HIRA: variants seen among roughly 807,000 people sequenced by gnomAD.
The protein encoded by HIRA is histone cell cycle regulator.
A neutral mutation model predicts 126.6 loss-of-function variants in HIRA; 13 were observed. The ratio of observed to expected loss-of-function variants is 0.10; its 90% CI spans 0.07 to 0.16. HIRA has a LOEUF of 0.16. HIRA is among the 10% of genes least tolerant of loss of function. The probability of loss-of-function intolerance (pLI) is 1.00; values close to 1 mark genes in which losing one functional copy is unlikely to be tolerated. For synonymous variants in HIRA, 511 were observed against 520.0 expected, an observed-to-expected ratio of 0.98 and a Z score of 0.24; for missense variants, 834 against 1,314.4, an observed-to-expected ratio of 0.63 and a Z score of 5.65.
At chr22:19,343,210 G>C (rs5748141) in intron 24 of HIRA, among the ~76,000 whole-genome samples, 1 of 152,098 alleles carries the variant, frequency 6.6e-6, no homozygotes, top group Non-Finnish European at 1.5e-5. Context: ...CATGTAAATA[G>C]GATATTCAAT....
chr22:19,349,303 A>G (rs2088728402), intron 24 of HIRA, among the ~76,000 whole-genome samples: 1 of 151,526 alleles, frequency 6.6e-6, no homozygotes, highest in Non-Finnish European at 1.5e-5. Flanking sequence ...GGATTTCAGC[A>G]TGTTGGCCGG....
chr22:19,368,294 A>G (rs2088932615), intron 15 of HIRA, among the ~76,000 whole-genome samples: 1 of 152,246 alleles, frequency 6.6e-6, no homozygotes, highest in African/African-American at 2.4e-5. Context: ...CAAGAGGCCC[A>G]TGACGCTGCT....
At chr22:19,397,302 T>C (rs1047706412) in intron 6 of HIRA, among the ~76,000 whole-genome samples, 4 of 152,220 alleles carry the variant, frequency 2.6e-5, no homozygotes, top group Non-Finnish European at 4.4e-5. Context: ...TCAAAGGGCC[T>C]GACTGTGGCT....
At chr22:19,391,111 C>T (rs2089177077) in intron 9 of HIRA, among the ~76,000 whole-genome samples, 1 of 152,112 alleles carries the variant, frequency 6.6e-6, no homozygotes, top group Admixed American at 6.6e-5. Context: ...CAACAGGAGA[C>T]TGTATAAACA....
chr22:19,378,258 C>T (rs1202722879), intron 13 of HIRA, among the ~76,000 whole-genome samples, 192 bp from the exon 14 acceptor site: 1 of 152,194 alleles, frequency 6.6e-6, no homozygotes, highest in Admixed American at 6.5e-5. Context: ...CTAGGATTTA[C>T]AGGTTCTATA....
At position 19,431,501 on chromosome 22, in the gene HIRA, C is replaced by T; in HGVS notation, c.-25G>A. On this transcript the variant is annotated 5_prime_UTR_variant, in exon 1 of 25. Transcript: ENST00000263208. The stretch of plus-strand genomic sequence containing the variant: ...TTGTTCGGCCGCCGCCGCCGCCGGG[C>T]TGAGGCGAGCGCCGGGTCCCTCAGC... The T allele has an allele frequency of 4.5e-6, 7 of 1,568,250 alleles. No individual in the cohort carries two copies. Among genetic ancestry groups the T allele is most frequent in the Non-Finnish European group, 6.0e-6 (7 of 1,158,228 alleles).
intron 1 of HIRA, among the ~76,000 whole-genome samples, chr22:19,420,166 A>G (rs1014196973): frequency 5.9e-5 from 9 of 152,010 alleles, no homozygotes; most frequent in African/African-American, 1.9e-4. Context: ...TATAATCAAC[A>G]AAGTTTTGAG....
At chr22:19,414,319 G>A (rs906557704) in intron 1 of HIRA, among the ~76,000 whole-genome samples, 3 of 152,154 alleles carry the variant, frequency 2.0e-5, no homozygotes, top group Admixed American at 1.3e-4. Flanking sequence ...AGGTAGAATC[G>A]TACCCTCCTT....
chr22:19,380,987 C>G (rs890520455), intron 13 of HIRA, among the ~76,000 whole-genome samples: 1 of 152,170 alleles, frequency 6.6e-6, no homozygotes, highest in Non-Finnish European at 1.5e-5. Context: ...GTTATTTGTA[C>G]TGGTTAAATT....
At chr22:19,369,890 C>T (rs2088949639) in intron 15 of HIRA, among the ~76,000 whole-genome samples, 1 of 152,208 alleles carries the variant, frequency 6.6e-6, no homozygotes, top group South Asian at 2.1e-4. Flanking sequence ...GACTGCGCCA[C>T]TGCACTCCAG....
intron 12 of HIRA, 69 bp downstream of exon 12, chr22:19,385,452 G>A: frequency 6.9e-7 from 1 of 1,444,144 alleles, no homozygotes; most frequent in Non-Finnish European, 9.6e-7. Context: ...TACCACCACT[G>A]GTGTCTGCCC....
Position 19,353,471 on chromosome 22 carries a change from C to T in HIRA, c.2733G>A (p.Gln911=), listed in dbSNP as rs782573654. The T allele has an allele frequency of 6.2e-7, 1 of 1,612,836 alleles. No homozygotes were observed. The highest frequency in any genetic ancestry group is 2.2e-5 in the East Asian group (1 of 44,874). ...ARLFSVPHVV[Q]QETTLAYLEN... ...CTAGGTAGGCCAGGGTGGTCTCTTG[C>T]TGCACCACATGAGGCACGGAGAAGA... Residue 911 remains glutamine (Q), a synonymous_variant, in exon 23 of 25, where the codon CAG becomes CAA. Transcript: ENST00000263208.
At chr22:19,429,133 C>CTTTTTT (rs57853722) in intron 1 of HIRA, among the ~76,000 whole-genome samples, 156 of 77,280 alleles carry the variant, frequency 2.0e-3, no homozygotes, top group Non-Finnish European at 2.6e-3. Flanking sequence ...GTTGCCATAT[C>CTTTTTT]TTTTTTTTTT....
chr22:19,410,650 G>C, intron 2 of HIRA, 66 bp downstream of exon 2: 1 of 1,146,024 alleles, frequency 8.7e-7, no homozygotes, highest in Non-Finnish European at 1.3e-6. Context: ...CAGCTAAATG[G>C]ACAGCAGGAG....
intron 15 of HIRA, among the ~76,000 whole-genome samples, chr22:19,374,306 A>T (rs5746728): frequency 0.16 from 23,826 of 151,914 alleles, 3,958 homozygotes; most frequent in African/African-American, 0.42. Context: ...AATAGACATA[A>T]GCCACAACAC....
intron 15 of HIRA, among the ~76,000 whole-genome samples, chr22:19,375,190 CACTT>C (rs1266473549): frequency 6.6e-6 from 1 of 152,194 alleles, no homozygotes; most frequent in African/African-American, 2.4e-5. Context: ...ACAAAGACCT[CACTT>C]ACATCATTTT....
At position 19,385,557 on chromosome 22, in the gene HIRA, G is replaced by C. The variant is rs200522306; in HGVS notation, c.1293C>G (p.Gly431=). ...CTTCAAGACTCTCCCCGTTGACAAC[G>C]CCTGCGACTGAGGTGGCTGAGCCCA... The part of the protein sequence containing the change: ...REMGSATSVA[G]VVNGESLEDI... The change falls in exon 12 of 25, where the codon GGC becomes GGG. Residue 431 remains glycine, a synonymous_variant. Transcript: ENST00000263208. The C allele has an allele frequency of 6.2e-7, 1 of 1,614,044 alleles. No homozygotes were observed.
At chr22:19,370,012 T>G (rs958963176) in intron 15 of HIRA, among the ~76,000 whole-genome samples, 17 of 152,214 alleles carry the variant, frequency 1.1e-4, no homozygotes, top group Non-Finnish European at 2.5e-4. Context: ...GAGACAAGTC[T>G]TGTTCAGGCT....
At chr22:19,409,901 C>T (rs528608837) in intron 2 of HIRA, among the ~76,000 whole-genome samples, 1 of 151,310 alleles carries the variant, frequency 6.6e-6, no homozygotes, top group Non-Finnish European at 1.5e-5. Flanking sequence ...GGCTTCCCTG[C>T]CCACAGCTTC....
Sources: gnomAD v4.1 joint callset for allele counts (sites outside exome capture counted in the v4.1 genomes callset) on GRCh38, gnomAD v4.1.1 for gene constraint, MANE v1.5 for transcripts, NCBI Gene and HGNC (gene_info 2026-07-23, HGNC 2026-07-21) for gene names.